Variants in RSRC1 observed in about 807,000 individuals in gnomAD.
The protein encoded by RSRC1 is serine/Arginine-related protein 53.
A neutral mutation model predicts 49.1 loss-of-function variants in RSRC1; 39 were observed. The ratio of observed to expected loss-of-function variants is 0.79; its 90% CI spans 0.61 to 1.04. RSRC1 has a LOEUF of 1.04. Ranked by LOEUF, RSRC1 falls within the 50% of genes least tolerant of loss-of-function variation. The probability of loss-of-function intolerance (pLI) is 0.00; values close to 1 mark genes in which losing one functional copy is unlikely to be tolerated. For missense variants in RSRC1, 388 were observed against 402.4 expected (o/e 0.96, Z 0.31); for synonymous variants, 143 against 130.8 (o/e 1.09, Z -0.63).
At chr3:158,530,831 AC>A (rs1712343801) in intron 7 of RSRC1, among the ~76,000 whole-genome samples, 1 of 150,866 alleles carries the variant, frequency 6.6e-6, no homozygotes, top group African/African-American at 2.4e-5. Context: ...CCAGCATGGC[AC>A]GTGTATACAT....
At chr3:158,325,821 G>T (rs1729097316) in intron 5 of RSRC1, among the ~76,000 whole-genome samples, 2 of 152,202 alleles carry the variant, frequency 1.3e-5, no homozygotes, top group South Asian at 2.1e-4. Context: ...ACCTTGGGCA[G>T]TATGGCCATT....
intron 6 of RSRC1, among the ~76,000 whole-genome samples, chr3:158,363,292 C>G (rs1442452194): frequency 7.1e-6 from 1 of 140,742 alleles, no homozygotes; most frequent in Admixed American, 7.3e-5. Context: ...TTGACATAGT[C>G]TTGCTCTGTC....
At chr3:158,267,953 A>G (rs1037048961) in intron 4 of RSRC1, among the ~76,000 whole-genome samples, 1 of 121,178 alleles carries the variant, frequency 8.3e-6, no homozygotes, top group African/African-American at 3.2e-5. Context: ...TTATTTTTGT[A>G]CTTTTCTCAC....
At chr3:158,111,271 G>T (rs1159585310) in intron 1 of RSRC1, among the ~76,000 whole-genome samples, 6 of 152,188 alleles carry the variant, frequency 3.9e-5, no homozygotes, top group Non-Finnish European at 7.3e-5. Context: ...TGCAGGCAAA[G>T]ATTTCATGCT....
chr3:158,204,501 T>G (rs780617923), intron 4 of RSRC1, among the ~76,000 whole-genome samples: 10 of 152,150 alleles, frequency 6.6e-5, no homozygotes, highest in Non-Finnish European at 1.2e-4. Context: ...GTTAGATACC[T>G]GTCTGTAAAG....
chr3:158,509,515 T>C (rs896366990), intron 7 of RSRC1, among the ~76,000 whole-genome samples: 1 of 152,192 alleles, frequency 6.6e-6, no homozygotes, highest in Non-Finnish European at 1.5e-5. Flanking sequence ...CTTTTAGAAA[T>C]GTTATATTTC....
At chr3:158,177,649 G>A (rs1030450753) in intron 3 of RSRC1, among the ~76,000 whole-genome samples, 1 of 151,900 alleles carries the variant, frequency 6.6e-6, no homozygotes, top group Non-Finnish European at 1.5e-5. Context: ...GTCAGAGTGT[G>A]GGGGGCTGGG....
At chr3:158,510,019 A>C (rs1265507044) in intron 7 of RSRC1, among the ~76,000 whole-genome samples, 1 of 152,162 alleles carries the variant, frequency 6.6e-6, no homozygotes, top group African/African-American at 2.4e-5. Flanking sequence ...TTGTTTCCAA[A>C]GTGATTGATG....
At chr3:158,118,462 T>C (rs4599256) in intron 1 of RSRC1, among the ~76,000 whole-genome samples, 7,793 of 124,608 alleles carry the variant, frequency 0.063, 410 homozygotes, top group African/African-American at 0.096. Context: ...TGTGTGTGTG[T>C]GCGCGTGCGC....
chr3:158,387,454 T>A (rs538638468), intron 6 of RSRC1, among the ~76,000 whole-genome samples: 3 of 152,246 alleles, frequency 2.0e-5, no homozygotes, highest in African/African-American at 7.2e-5. Flanking sequence ...CATTTAGCCT[T>A]AGAGTAGTTC....
chr3:158,310,118 T>C (rs1169703662), intron 5 of RSRC1, among the ~76,000 whole-genome samples: 5 of 151,640 alleles, frequency 3.3e-5, no homozygotes, highest in South Asian at 2.1e-4. Flanking sequence ...GATATGCTTA[T>C]AAATACCTTA....
chr3:158,131,266 G>C (rs984800754), intron 3 of RSRC1, among the ~76,000 whole-genome samples: 6 of 151,748 alleles, frequency 4.0e-5, no homozygotes, highest in African/African-American at 1.2e-4. Flanking sequence ...TTTCTTATTT[G>C]CTGGGAATTT....
chr3:158,218,344 G>C (rs1722063367), intron 4 of RSRC1, among the ~76,000 whole-genome samples: 1 of 151,654 alleles, frequency 6.6e-6, no homozygotes, highest in Non-Finnish European at 1.5e-5. Context: ...AGTAGCTTGG[G>C]CCAGGGATTT....
At chr3:158,438,244 C>G (rs911708152) in intron 6 of RSRC1, among the ~76,000 whole-genome samples, 3 of 152,074 alleles carry the variant, frequency 2.0e-5, no homozygotes, top group Admixed American at 6.6e-5. Context: ...CCACACTGTC[C>G]AAGGTAATTT....
intron 4 of RSRC1, among the ~76,000 whole-genome samples, chr3:158,243,208 C>T (rs1324362369): frequency 6.6e-6 from 1 of 152,106 alleles, no homozygotes; most frequent in African/African-American, 2.4e-5. Flanking sequence ...TTTAATCTAC[C>T]TTGGGATGAT....
chr3:158,215,591 G>A (rs1248784718), intron 4 of RSRC1, among the ~76,000 whole-genome samples: 2 of 151,560 alleles, frequency 1.3e-5, no homozygotes, highest in Non-Finnish European at 2.9e-5. Flanking sequence ...TTTATGGGTT[G>A]TTTGGACATT....
intron 7 of RSRC1, among the ~76,000 whole-genome samples, chr3:158,470,109 A>C (rs924859419): frequency 2.1e-4 from 32 of 152,012 alleles, no homozygotes; most frequent in Admixed American, 1.9e-3. Flanking sequence ...TTACATGCTA[A>C]TATGTATTTT....
intron 7 of RSRC1, among the ~76,000 whole-genome samples, chr3:158,476,514 C>A (rs1738375200): frequency 6.6e-6 from 1 of 152,072 alleles, no homozygotes; most frequent in South Asian, 2.1e-4. Flanking sequence ...ATTTCCCATT[C>A]CAAAAATCCT....
intron 3 of RSRC1, among the ~76,000 whole-genome samples, chr3:158,156,201 A>G (rs1204794767): frequency 6.6e-6 from 1 of 152,180 alleles, no homozygotes; most frequent in Admixed American, 6.5e-5. Flanking sequence ...TGTTATGGAG[A>G]TGAGTTCTTT....
Sources: allele counts gnomAD v4.1 joint callset (sites outside exome capture counted in the v4.1 genomes callset), GRCh38; gene constraint gnomAD v4.1.1; transcripts MANE v1.5; gene names NCBI Gene and HGNC (gene_info 2026-07-23, HGNC 2026-07-21).